ZNF510: variants seen among roughly 807,000 people sequenced by gnomAD.
The protein encoded by ZNF510 is zinc finger protein 510.
ZNF510 carries 15 observed loss-of-function variants against 18.1 expected under a neutral mutation model. The observed-to-expected ratio is 0.83, with a 90% CI of 0.55 to 1.28. The LOEUF (loss-of-function observed/expected upper bound fraction) is 1.28, where lower values mean the gene tolerates loss of function less well. ZNF510 is among the 50% of genes most tolerant of loss of function. The pLI is 0.00. For missense variants in ZNF510, 724 were observed against 791.8 expected (o/e 0.91, Z 1.03); for synonymous variants, 261 against 266.4 (o/e 0.98, Z 0.20).
Position 96,758,089 on chromosome 9 carries a change from A to G in ZNF510, c.*689T>C, listed in dbSNP as rs1281769696. On this transcript the variant is annotated 3_prime_UTR_variant, in exon 6 of 6. Coordinates refer to ENST00000223428, the MANE Select transcript of ZNF510 (RefSeq NM_014930.3). The stretch of plus-strand genomic sequence containing the variant: ...CTTTAAAGTACAGTTGACCATGGTT[A>G]ATGGAAATTGCGTAAAGTGAAAATA... The G allele has an allele frequency of 6.6e-6, 1 of 152,230 alleles. No individual in the cohort carries two copies. Among genetic ancestry groups the G allele is most frequent in the Non-Finnish European group, 1.5e-5 (1 of 68,036 alleles). The allele number at this position is 152,230 out of a possible 1,614,324, so 9.4% of individuals were successfully genotyped here.
At chr9:96,765,669 C>T (rs1588128927) in intron 3 of ZNF510, among the ~76,000 whole-genome samples, 1 of 152,020 alleles carries the variant, frequency 6.6e-6, no homozygotes, top group African/African-American at 2.4e-5. Context: ...CGTGCCACCA[C>T]GCCCAGCTAA....
chr9:96,774,793 A>T lies in ZNF510; in HGVS notation c.124T>A (p.Ser42Thr). The T allele has an allele frequency of 6.2e-7, 1 of 1,613,464 alleles. No individual in the cohort carries two copies. Among genetic ancestry groups the T allele is most frequent in the East Asian group, 2.2e-5 (1 of 44,892 alleles). ...LFQEQQKMNI[S>T]QASVSFKDVT... ...GGTATTAGTAATTAACTCACCTGAG[A>T]TATGTTCATTTTCTGCTGCTCCTGA... The change falls in exon 3 of 6, where the codon TCT (serine) becomes ACT (threonine). Residue 42 changes from serine (S) to threonine (T), a missense_variant. Ser to Thr is a moderately conservative substitution (Grantham distance 58). Transcript: ENST00000223428.
At chr9:96,768,295 A>G (rs1176561750) in intron 3 of ZNF510, among the ~76,000 whole-genome samples, 5 of 152,252 alleles carry the variant, frequency 3.3e-5, no homozygotes, top group Non-Finnish European at 4.4e-5. Context: ...TTTCTTCCAA[A>G]TATCAGGAAT....
At position 96,776,183 on chromosome 9, in the gene ZNF510, G is replaced by A. The variant is rs997077952; in HGVS notation, c.-114C>T. 7 of 1,476,818 alleles carry A rather than the reference G, an allele frequency of 4.7e-6. No individual in the cohort carries two copies. The African/African-American group carries it at 8.5e-5, about 18-fold the overall frequency. 91.5% of individuals were successfully genotyped at this position (1,476,818 alleles called of 1,614,324 possible). Reference sequence around the variant, plus strand: ...ATCTGTTTGGAAGCCCTGGTGAGGAGGTCTCTGTTCTGTCAGAGAGCAGTT... The same window carrying A: ...ATCTGTTTGGAAGCCCTGGTGAGGAAGTCTCTGTTCTGTCAGAGAGCAGTT... On this transcript the variant is annotated 5_prime_UTR_variant, in exon 2 of 6. Coordinates refer to ENST00000223428, the MANE Select transcript of ZNF510 (RefSeq NM_014930.3).
intron 3 of ZNF510, among the ~76,000 whole-genome samples, chr9:96,769,361 C>G (rs1849539307): frequency 6.6e-6 from 1 of 150,736 alleles, no homozygotes. Context: ...CACTTGAACC[C>G]AGGAGAAGGA....
intron 2 of ZNF510, 27 bp from the exon 3 acceptor site, chr9:96,774,873 G>A: frequency 1.9e-6 from 3 of 1,607,196 alleles, no homozygotes; most frequent in Non-Finnish European, 2.6e-6. Flanking sequence ...AGTCATGAGA[G>A]ATCTGGGCAG....
At position 96,758,641 on chromosome 9, in the gene ZNF510, T is replaced by G; in HGVS notation, c.*137A>C. 1 of 875,720 alleles carries G rather than the reference T, an allele frequency of 1.1e-6. No individual in the cohort carries two copies. The highest frequency in any genetic ancestry group is 1.7e-6 in the Non-Finnish European group (1 of 591,814). 54.2% of individuals were successfully genotyped at this position (875,720 alleles called of 1,614,324 possible). On this transcript the variant is annotated 3_prime_UTR_variant, in exon 6 of 6. Coordinates refer to ENST00000223428, the MANE Select transcript of ZNF510 (RefSeq NM_014930.3). ...TCATCTTCATCTGGTTTCTTTCCTA[T>G]GTGAATTCTCTGATTCACAGTGAGG...
At chr9:96,770,612 AATAT>A (rs555276089) in intron 3 of ZNF510, among the ~76,000 whole-genome samples, 1 of 133,770 alleles carries the variant, frequency 7.5e-6, no homozygotes, top group African/African-American at 3.7e-5. Flanking sequence ...TCAAAAAAAA[AATAT>A]ATATATATAT....
chr9:96,771,926 CT>C (rs1849592510), intron 3 of ZNF510, among the ~76,000 whole-genome samples: 1 of 152,136 alleles, frequency 6.6e-6, no homozygotes, highest in East Asian at 1.9e-4. Flanking sequence ...CACCTCTACT[CT>C]GAAAAACTTT....
intron 2 of ZNF510, 144 bp from the exon 3 acceptor site, chr9:96,774,990 G>A: frequency 3.2e-6 from 2 of 623,562 alleles, no homozygotes; most frequent in South Asian, 2.0e-5. Flanking sequence ...GCACTACAGA[G>A]AAAGCACCTC....
chr9:96,760,587 A>G (rs891837585), intron 5 of ZNF510, 110 bp from the exon 6 acceptor site: 2 of 1,014,656 alleles, frequency 2.0e-6, no homozygotes, highest in East Asian at 2.5e-5. Flanking sequence ...TCAAGATTAA[A>G]TAATTCAGAT....
chr9:96,762,224 AAG>A (rs1431588196), intron 5 of ZNF510, among the ~76,000 whole-genome samples: 44 of 140,124 alleles, frequency 3.1e-4, no homozygotes, highest in African/African-American at 1.3e-3. Context: ...AAAAAAAAAA[AAG>A]AGGCCAGGCA....
chr9:96,759,534 A>G lies in ZNF510; in HGVS notation c.1296T>C (p.Phe432=). 1 of 1,613,548 alleles carries G rather than the reference A, an allele frequency of 6.2e-7. No homozygotes were observed. Among genetic ancestry groups the G allele is most frequent in the Non-Finnish European group, 8.5e-7 (1 of 1,179,822 alleles). Residue 432 remains phenylalanine, a synonymous_variant, in exon 6 of 6, where the codon TTT becomes TTC. Transcript: ENST00000223428. ...AAGTTTTTCCACATTCACTACATTC[A>G]AATGGTTTCTCTCCTGTGTGAGTTC... ...HQRTHTGEKP[F]ECSECGKTFS...
At position 96,763,133 on chromosome 9, in the gene ZNF510, T is replaced by C. The variant is rs1849391853; in HGVS notation, c.337A>G (p.Asn113Asp). Residue 113 changes from asparagine to aspartate, a missense_variant, in exon 5 of 6, where the codon AAC becomes GAC. Coordinates refer to ENST00000223428, the MANE Select transcript of ZNF510 (RefSeq NM_014930.3). Reference sequence around the variant, plus strand: ...AGTAACTCACTTGGGTGACTCTGGTTTGAGAATTCCTCCTCTGAGAACCAA... The same window carrying C: ...AGTAACTCACTTGGGTGACTCTGGTCTGAGAATTCCTCCTCTGAGAACCAA... ...EPWFSEEEFSNQSHPKDYRGD... is the reference protein window; with the variant it reads ...EPWFSEEEFSDQSHPKDYRGD... The C allele has an allele frequency of 6.2e-7, 1 of 1,614,094 alleles. No homozygotes were observed. The highest frequency in any genetic ancestry group is 8.5e-7 in the Non-Finnish European group (1 of 1,179,950).
rs1849655050 is a variant in ZNF510, at chr9:96,774,812, C to A, written c.105G>T (p.Glu35Asp). 6.2e-7 allele frequency: 1 copy of A among 1,613,794 alleles called. No individual in the cohort carries two copies. The highest frequency in any genetic ancestry group is 1.3e-5 in the African/African-American group (1 of 74,886). ...YPLRFSTLFQEQQKMNISQAS... is the reference protein window; with the variant it reads ...YPLRFSTLFQDQQKMNISQAS... ...CCTGAGATATGTTCATTTTCTGCTG[C>A]TCCTGAAAGAGTGTGGAGAACCGTA... Residue 35 changes from glutamate to aspartate, a missense_variant, in exon 3 of 6, where the codon GAG (glutamate) becomes GAT (aspartate). Transcript: ENST00000223428.
At position 96,758,711 on chromosome 9, in the gene ZNF510, G is replaced by GT. The variant is rs1008246216; in HGVS notation, c.*66dup. The GT allele has an allele frequency of 8.8e-5, 131 of 1,484,180 alleles. No individual in the cohort carries two copies. Among genetic ancestry groups the GT allele is most frequent in the Non-Finnish European group, 1.1e-4 (126 of 1,111,540 alleles). The allele number at this position is 1,484,180 out of a possible 1,614,324, so 91.9% of individuals were successfully genotyped here. ...TTCTTACATTCACTACCCTCAATTG[G>GT]TTTTTTGTGTATCTCTGATATCAAA... On this transcript the variant is annotated 3_prime_UTR_variant, in exon 6 of 6. Coordinates refer to ENST00000223428, the MANE Select transcript of ZNF510 (RefSeq NM_014930.3).
intron 3 of ZNF510, among the ~76,000 whole-genome samples, chr9:96,772,230 C>T (rs1357041845): frequency 1.3e-5 from 2 of 152,112 alleles, no homozygotes; most frequent in Non-Finnish European, 2.9e-5. Flanking sequence ...AAATATGAAC[C>T]TTGACACTCA....
At position 96,759,641 on chromosome 9, in the gene ZNF510, T is replaced by G; in HGVS notation, c.1189A>C (p.Ser397Arg). 1 of 1,613,778 alleles carries G rather than the reference T, an allele frequency of 6.2e-7. No homozygotes were observed. Among genetic ancestry groups the G allele is most frequent in the Non-Finnish European group, 8.5e-7 (1 of 1,179,986 alleles). The change falls in exon 6 of 6, where the codon AGT (serine) becomes CGT (arginine). Residue 397 changes from serine (S) to arginine (R), a missense_variant. Transcript: ENST00000223428. ...QTSVHRVRRR[S>R]HSMMKPYKCN... Reference sequence around the variant, plus strand: ...TTATAGGGTTTCATCATTGAGTGACTTCTTCGGCGAACTCTGTGAACCGAC... The same window carrying G: ...TTATAGGGTTTCATCATTGAGTGACGTCTTCGGCGAACTCTGTGAACCGAC...
chr9:96,758,714 T>C lies in ZNF510; in HGVS notation c.*64A>G. The C allele has an allele frequency of 6.7e-7, 1 of 1,492,514 alleles. No individual in the cohort carries two copies. Among genetic ancestry groups the C allele is most frequent in the East Asian group, 2.3e-5 (1 of 43,858 alleles). The allele number at this position is 1,492,514 out of a possible 1,614,324, so 92.5% of individuals were successfully genotyped here. ...TTACATTCACTACCCTCAATTGGTT[T>C]TTTGTGTATCTCTGATATCAAATGG... On this transcript the variant is annotated 3_prime_UTR_variant, in exon 6 of 6. Transcript: ENST00000223428.
Sources: allele counts gnomAD v4.1 joint callset (sites outside exome capture counted in the v4.1 genomes callset), GRCh38; gene constraint gnomAD v4.1.1; transcripts MANE v1.5; gene names NCBI Gene and HGNC (gene_info 2026-07-23, HGNC 2026-07-21).